Variants in PARD3B observed in about 807,000 individuals in gnomAD.
The protein encoded by PARD3B is par-3 family cell polarity regulator beta.
Under a neutral mutation model 130.2 loss-of-function variants are expected in PARD3B, and 103 were observed. The ratio of observed to expected loss-of-function variants is 0.79; its 90% CI spans 0.67 to 0.93. The LOEUF (loss-of-function observed/expected upper bound fraction) is 0.93, where lower values mean the gene tolerates loss of function less well. Among genes scored for constraint, PARD3B ranks in the 40% least tolerant of loss-of-function variants. PARD3B has a pLI of 0.00. For missense variants in PARD3B, 1,609 were observed against 1,499.2 expected, an observed-to-expected ratio of 1.07 and a Z score of -1.21; for synonymous variants, 583 against 553.2, an observed-to-expected ratio of 1.05 and a Z score of -0.76.
At chr2:204,941,844 ATATAT>A (rs2125803812) in intron 2 of PARD3B, among the ~76,000 whole-genome samples, 1 of 151,878 alleles carries the variant, frequency 6.6e-6, no homozygotes, top group African/African-American at 2.4e-5. Flanking sequence ...GTGTGTGTGT[ATATAT>A]ATATATTTAA....
chr2:204,981,679 G>A (rs1692679340), intron 3 of PARD3B, among the ~76,000 whole-genome samples: 1 of 152,228 alleles, frequency 6.6e-6, no homozygotes, highest in Non-Finnish European at 1.5e-5. Flanking sequence ...TTATACACTA[G>A]TGTGAGAAGA....
chr2:205,153,241 C>T (rs1344961777), intron 10 of PARD3B, among the ~76,000 whole-genome samples: 1 of 152,154 alleles, frequency 6.6e-6, no homozygotes, highest in Non-Finnish European at 1.5e-5. Flanking sequence ...GGTCAGGGAC[C>T]CACTTGAAGA....
chr2:204,847,560 G>A (rs2125598965), intron 2 of PARD3B, among the ~76,000 whole-genome samples: 1 of 152,232 alleles, frequency 6.6e-6, no homozygotes. Flanking sequence ...TCCATTCTGA[G>A]GAGTGTGGTA....
intron 21 of PARD3B, among the ~76,000 whole-genome samples, chr2:205,542,411 G>T: frequency 6.8e-6 from 1 of 147,516 alleles, no homozygotes; most frequent in East Asian, 2.0e-4. Context: ...TGCTTATTTG[G>T]TTTGGTTTTC....
At chr2:204,908,092 TA>T (rs1405497800) in intron 2 of PARD3B, among the ~76,000 whole-genome samples, 3 of 152,192 alleles carry the variant, frequency 2.0e-5, no homozygotes, top group African/African-American at 7.2e-5. Context: ...TCTATCATAA[TA>T]ATGAATTTTC....
intron 18 of PARD3B, among the ~76,000 whole-genome samples, chr2:205,342,278 A>G (rs2043571790): frequency 6.6e-6 from 1 of 152,130 alleles, no homozygotes; most frequent in Non-Finnish European, 1.5e-5. Context: ...CTACAATTTA[A>G]TTTTTCTGTG....
chr2:205,267,133 G>A (rs1223935672), intron 16 of PARD3B, among the ~76,000 whole-genome samples: 1 of 152,082 alleles, frequency 6.6e-6, no homozygotes, highest in East Asian at 1.9e-4. Context: ...TTTCAAAGGG[G>A]AGAAATCATT....
chr2:205,168,007 A>G (rs115135040), intron 11 of PARD3B, among the ~76,000 whole-genome samples: 1,852 of 152,318 alleles, frequency 0.012, 46 homozygotes, highest in African/African-American at 0.042. Context: ...AGGACCAGCT[A>G]AAGCTGATGA....
chr2:205,162,961 A>G (rs2034592086), intron 11 of PARD3B, among the ~76,000 whole-genome samples: 1 of 152,176 alleles, frequency 6.6e-6, no homozygotes, highest in Non-Finnish European at 1.5e-5. Context: ...AATTTTTAGT[A>G]AAAATTTTTA....
chr2:204,876,314 G>A lies in PARD3B; in HGVS notation c.223-88838G>A, dbSNP rs554937430. Among the ~76,000 whole-genome samples the A allele has an allele frequency of 5.9e-5, 9 of 152,258 alleles. No homozygotes were observed. In the South Asian group the frequency reaches 1.7e-3, roughly 28 times the overall value. On this transcript the variant is annotated intron_variant, in intron 2 of 22. Transcript: ENST00000406610. Reference sequence around the variant, plus strand: ...TCAACTGAATCAACGCTTGGTAAACGTGATGTATCTCTAGTTTAAATGCAA... The same window carrying A: ...TCAACTGAATCAACGCTTGGTAAACATGATGTATCTCTAGTTTAAATGCAA...
At chr2:204,978,520 AG>A (rs1283764591) in intron 3 of PARD3B, among the ~76,000 whole-genome samples, 1 of 152,236 alleles carries the variant, frequency 6.6e-6, no homozygotes, top group East Asian at 1.9e-4. Context: ...TGTGCACAAA[AG>A]TTGTACCTAC....
At chr2:204,624,654 G>T (rs1219662716) in intron 1 of PARD3B, among the ~76,000 whole-genome samples, 2 of 152,042 alleles carry the variant, frequency 1.3e-5, no homozygotes, top group African/African-American at 2.4e-5. Context: ...CTTGTTTCCA[G>T]TTTTTGGTTA....
intron 3 of PARD3B, among the ~76,000 whole-genome samples, chr2:205,036,758 G>A (rs929638389): frequency 2.6e-4 from 38 of 145,304 alleles, no homozygotes; most frequent in Admixed American, 1.5e-3. Flanking sequence ...TATACACAGC[G>A]GACTGTATGT....
intron 2 of PARD3B, among the ~76,000 whole-genome samples, chr2:204,849,084 T>C (rs2044594109): frequency 6.6e-6 from 1 of 152,150 alleles, no homozygotes; most frequent in East Asian, 1.9e-4. Context: ...TGAAAATTCT[T>C]GCAACACATA....
chr2:204,958,900 T>C (rs1391946109), intron 2 of PARD3B, among the ~76,000 whole-genome samples: 2 of 152,178 alleles, frequency 1.3e-5, no homozygotes, highest in South Asian at 2.1e-4. Flanking sequence ...AGTACATGGC[T>C]CTTTTTATCA....
At chr2:205,430,693 G>C (rs1053034136) in intron 19 of PARD3B, among the ~76,000 whole-genome samples, 2 of 152,094 alleles carry the variant, frequency 1.3e-5, no homozygotes, top group African/African-American at 4.8e-5. Context: ...CAGCACATGG[G>C]ACCAACTACA....
intron 16 of PARD3B, among the ~76,000 whole-genome samples, chr2:205,285,339 AG>A (rs1447906106): frequency 6.6e-6 from 1 of 152,116 alleles, no homozygotes; most frequent in African/African-American, 2.4e-5. Flanking sequence ...CATCCATCCC[AG>A]TTTAGGGTAC....
At chr2:205,016,235 G>C (rs1475142373) in intron 3 of PARD3B, among the ~76,000 whole-genome samples, 9 of 152,134 alleles carry the variant, frequency 5.9e-5, no homozygotes, top group Admixed American at 5.9e-4. Flanking sequence ...TTACCTGCTG[G>C]GAACTGTAAT....
chr2:205,574,594 G>A (rs1452876243), intron 22 of PARD3B, among the ~76,000 whole-genome samples: 1 of 152,106 alleles, frequency 6.6e-6, no homozygotes, highest in Non-Finnish European at 1.5e-5. Flanking sequence ...CCGTTTTCTA[G>A]CATTTACAGG....
Sources: allele counts gnomAD v4.1 joint callset (sites outside exome capture counted in the v4.1 genomes callset), GRCh38; gene constraint gnomAD v4.1.1; transcripts MANE v1.5; gene names NCBI Gene and HGNC (gene_info 2026-07-23, HGNC 2026-07-21).